Variants in CLINT1 observed in about 807,000 individuals in gnomAD.
CLINT1 encodes the protein clathrin interacting protein localized in the trans-Golgi region.
In CLINT1, 15 loss-of-function variants were observed where a neutral mutation model predicts 70.4. That is an observed-to-expected ratio of 0.21 (90% confidence interval 0.14 to 0.33). The LOEUF is 0.33. Among genes scored for constraint, CLINT1 ranks in the 10% least tolerant of loss-of-function variants. The pLI is 1.00. For missense variants in CLINT1, 615 were observed against 778.1 expected, an observed-to-expected ratio of 0.79 and a Z score of 2.49; for synonymous variants, 227 against 254.7, an observed-to-expected ratio of 0.89 and a Z score of 1.04.
intron 1 of CLINT1, among the ~76,000 whole-genome samples, chr5:157,853,918 C>T (rs1437679207): frequency 1.3e-5 from 2 of 151,894 alleles, no homozygotes; most frequent in African/African-American, 4.8e-5. Flanking sequence ...AGAAAATTAC[C>T]CCTAAGAAAT....
intron 1 of CLINT1, among the ~76,000 whole-genome samples, chr5:157,849,833 A>G (rs1424543935): frequency 4.6e-5 from 7 of 152,226 alleles, no homozygotes; most frequent in African/African-American, 1.7e-4. Context: ...ATAAATATCA[A>G]CTTACCAAAT....
At chr5:157,795,036 G>T in intron 8 of CLINT1, 64 bp from the exon 9 acceptor site, 1 of 1,353,080 alleles carries the variant, frequency 7.4e-7, no homozygotes, top group Non-Finnish European at 1.0e-6. Context: ...ATTTCTGGAG[G>T]CCATTTTAGT....
rs182300898 is a variant in CLINT1, at chr5:157,788,132, T to C, written c.1532-140A>G. ...TCCTTTACAGTGATTTTATTAGAAATCAATTACTCTGCACTGGTTCCTCTT... is the reference window on the plus strand; with the variant it reads ...TCCTTTACAGTGATTTTATTAGAAACCAATTACTCTGCACTGGTTCCTCTT... On this transcript the variant is annotated intron_variant, in intron 11 of 11. Coordinates refer to ENST00000411809, the MANE Select transcript of CLINT1 (RefSeq NM_014666.4). 521 of 729,474 alleles carry C rather than the reference T, an allele frequency of 7.1e-4. 1 individual carries two copies. In the African/African-American group the frequency reaches 8.2e-3, roughly 11 times the overall value. The allele number at this position is 729,474 out of a possible 1,614,324, so 45.2% of individuals were successfully genotyped here. A position where few individuals can be genotyped will look rare whatever the true frequency, so the allele number is the denominator to read the frequency against.
intron 8 of CLINT1, among the ~76,000 whole-genome samples, chr5:157,796,383 T>TC (rs1762067616): frequency 6.6e-6 from 1 of 152,234 alleles, no homozygotes; most frequent in African/African-American, 2.4e-5. Flanking sequence ...TTCCTTTTTT[T>TC]CTCAACTTTA....
At chr5:157,810,212 T>C (rs1439060153) in intron 5 of CLINT1, among the ~76,000 whole-genome samples, 3 of 152,200 alleles carry the variant, frequency 2.0e-5, no homozygotes, top group Non-Finnish European at 2.9e-5. Flanking sequence ...TTCCCAATTT[T>C]CAGAAAAGCA....
intron 3 of CLINT1, among the ~76,000 whole-genome samples, chr5:157,814,604 C>T (rs1762657227): frequency 3.3e-5 from 5 of 152,150 alleles, no homozygotes; most frequent in Admixed American, 6.5e-5. Context: ...TTTTAGAAAG[C>T]TGACTCAGTT....
intron 9 of CLINT1, among the ~76,000 whole-genome samples, chr5:157,793,492 C>A (rs10068574): frequency 4.6e-5 from 7 of 152,134 alleles, no homozygotes; most frequent in Admixed American, 3.3e-4. Flanking sequence ...CAGCCCCCTG[C>A]GTAAGGTGGT....
chr5:157,838,647 T>C (rs1763514608), intron 1 of CLINT1, among the ~76,000 whole-genome samples: 2 of 152,332 alleles, frequency 1.3e-5, no homozygotes, highest in South Asian at 4.1e-4. Flanking sequence ...AATTACTCAG[T>C]AATCAGTTGC....
At position 157,803,698 on chromosome 5, in the gene CLINT1, A is replaced by G. The variant is rs755656419; in HGVS notation, c.964T>C (p.Ser322Pro). Residue 322 changes from serine to proline, a missense_variant, in exon 8 of 12, where the codon TCA (serine) becomes CCA (proline). This residue lies in a region of CLINT1 where 374 missense variants were observed against 409.6 expected (regional missense o/e 0.91). Transcript: ENST00000411809. ...SVKTSVPSSK[S>P]SGDLVDLFDG... ...AACAGATCAACAAGGTCACCAGATGACTTGCTGCTAGGCACTGAAGTCTGA... is the reference window on the plus strand; with the variant it reads ...AACAGATCAACAAGGTCACCAGATGGCTTGCTGCTAGGCACTGAAGTCTGA... 1.0e-5 allele frequency: 16 copies of G among 1,559,080 alleles called. No homozygotes were observed. The highest frequency in any genetic ancestry group is 1.3e-5 in the Non-Finnish European group (15 of 1,145,042).
rs1262745982 is a variant in CLINT1 at position 157,817,499 on chromosome 5, C to A, written c.90G>T (p.Glu30Asp). 9 of 1,606,472 alleles carry A rather than the reference C, an allele frequency of 5.6e-6. No homozygotes were observed. Among genetic ancestry groups the A allele is most frequent in the African/African-American group, 2.7e-5 (2 of 74,800 alleles). The change falls in exon 2 of 12, where the codon GAG (glutamate) becomes GAT (aspartate). Residue 30 changes from glutamate (E) to aspartate (D), a missense_variant. This residue lies in a region of CLINT1 where 241 missense variants were observed against 368.6 expected (regional missense o/e 0.65). Coordinates refer to ENST00000411809, the MANE Select transcript of CLINT1 (RefSeq NM_014666.4). ...NYSEIESKVREATNDDPWGPS... is the reference protein window; with the variant it reads ...NYSEIESKVRDATNDDPWGPS... Reference sequence around the variant, plus strand: ...GTCCCCAAGGATCATCGTTCGTTGCCTCTCGAACCTTAGACTCGATCTCTG... The same window carrying A: ...GTCCCCAAGGATCATCGTTCGTTGCATCTCGAACCTTAGACTCGATCTCTG...
At chr5:157,823,542 G>C (rs1437862065) in intron 1 of CLINT1, among the ~76,000 whole-genome samples, 3 of 151,974 alleles carry the variant, frequency 2.0e-5, no homozygotes, top group Non-Finnish European at 4.4e-5. Context: ...AAACCACAGA[G>C]AACAATTTAA....
intron 5 of CLINT1, among the ~76,000 whole-genome samples, chr5:157,810,098 A>G (rs1280121250): frequency 6.6e-6 from 1 of 152,232 alleles, no homozygotes; most frequent in Non-Finnish European, 1.5e-5. Flanking sequence ...GTAGTGGAAA[A>G]CACAAAACCA....
intron 8 of CLINT1, among the ~76,000 whole-genome samples, chr5:157,800,520 A>G (rs1175218404): frequency 2.0e-5 from 3 of 152,132 alleles, no homozygotes; most frequent in African/African-American, 7.2e-5. Flanking sequence ...ATTTAAATAG[A>G]GATTGGGAGT....
At chr5:157,856,771 C>T (rs1175524099) in intron 1 of CLINT1, among the ~76,000 whole-genome samples, 1 of 152,198 alleles carries the variant, frequency 6.6e-6, no homozygotes, top group South Asian at 2.1e-4. Flanking sequence ...TTGGTGACAA[C>T]ATTCTTCTAT....
intron 5 of CLINT1, among the ~76,000 whole-genome samples, chr5:157,811,767 G>A (rs1182156172): frequency 2.0e-5 from 3 of 152,042 alleles, no homozygotes; most frequent in Non-Finnish European, 4.4e-5. Context: ...CTGGCAAAAA[G>A]AAAGATACAA....
At chr5:157,789,857 G>T (rs1761848758) in intron 10 of CLINT1, 1 of 386,430 alleles carries the variant, frequency 2.6e-6, no homozygotes, top group Non-Finnish European at 4.8e-6. Context: ...ACCGATTTTA[G>T]GTTAGTACAG....
chr5:157,804,050 A>T (rs1158470957), intron 7 of CLINT1, among the ~76,000 whole-genome samples: 1 of 140,208 alleles, frequency 7.1e-6, no homozygotes, highest in African/African-American at 2.8e-5. Flanking sequence ...AAAAAAAAAA[A>T]AAAAAAAATA....
chr5:157,853,449 T>A (rs1187882443), intron 1 of CLINT1, among the ~76,000 whole-genome samples: 1 of 151,830 alleles, frequency 6.6e-6, no homozygotes, highest in African/African-American at 2.4e-5. Flanking sequence ...AAAGGCTAAG[T>A]ACTTTCAATG....
intron 1 of CLINT1, among the ~76,000 whole-genome samples, chr5:157,818,666 T>C (rs1471893772): frequency 6.6e-6 from 1 of 151,652 alleles, no homozygotes; most frequent in African/African-American, 2.4e-5. Flanking sequence ...CAAAAGGAAA[T>C]ATATATAAAA....
Sources: allele counts gnomAD v4.1 joint callset (sites outside exome capture counted in the v4.1 genomes callset), GRCh38; gene constraint gnomAD v4.1.1; regional missense constraint gnomAD v4.1.1; transcripts MANE v1.5; gene names NCBI Gene and HGNC (gene_info 2026-07-23, HGNC 2026-07-21).